The following TMEM263 variants were observed in gnomAD, a reference collection of about 807,000 sequenced individuals.
The protein encoded by TMEM263 is UPF0444 transmembrane protein C12orf23.
Under a neutral mutation model 8.6 loss-of-function variants are expected in TMEM263, and 5 were observed. That is an observed-to-expected ratio of 0.58 (90% CI 0.31 to 1.23). The LOEUF (loss-of-function observed/expected upper bound fraction) is 1.23. Ranked by LOEUF, TMEM263 falls within the 50% of genes most tolerant of loss-of-function variation. The pLI, the probability that TMEM263 is intolerant of heterozygous loss-of-function variation, is 0.07. For synonymous variants in TMEM263, 50 were observed against 47.9 expected, an observed-to-expected ratio of 1.04 and a Z score of -0.18; for missense variants, 104 against 138.8, an observed-to-expected ratio of 0.75 and a Z score of 1.26.
chr12:106,967,702 A>G (rs1267425261), intron 3 of TMEM263, among the ~76,000 whole-genome samples: 1 of 152,262 alleles, frequency 6.6e-6, no homozygotes, highest in African/African-American at 2.4e-5. Flanking sequence ...CATATAAGGC[A>G]TAATATTTTG....
chr12:106,957,878 C>T (rs910286412), intron 2 of TMEM263, among the ~76,000 whole-genome samples: 7 of 152,118 alleles, frequency 4.6e-5, no homozygotes, highest in African/African-American at 1.7e-4. Flanking sequence ...TGGGCAGGGG[C>T]CATCTTTAAA....
chr12:106,958,919 T>C (rs1951733853), intron 2 of TMEM263, among the ~76,000 whole-genome samples: 1 of 152,216 alleles, frequency 6.6e-6, no homozygotes, highest in Admixed American at 6.5e-5. Context: ...CCAGAAAGTA[T>C]GTTTTTAATA....
rs745721905 is a variant in TMEM263, at chr12:106,971,226, A to G, written c.186A>G (p.Gly62=). 1.9e-6 allele frequency: 3 copies of G among 1,614,026 alleles called. No individual in the cohort carries two copies. Among genetic ancestry groups the G allele is most frequent in the Admixed American group, 1.7e-5 (1 of 59,998 alleles). ...TTGGTGGTGTGGCTTGGATTGGTGG[A>G]AAGAGTCTGGAAGTGACCAAAACAG... The part of the protein sequence containing the change: ...ATIGGVAWIG[G]KSLEVTKTAV... Residue 62 remains glycine (G), a synonymous_variant, in exon 4 of 4, where the codon GGA becomes GGG. Coordinates refer to ENST00000280756, the MANE Select transcript of TMEM263 (RefSeq NM_152261.4).
At chr12:106,970,862 G>T (rs994915770) in intron 3 of TMEM263, among the ~76,000 whole-genome samples, 3 of 152,166 alleles carry the variant, frequency 2.0e-5, no homozygotes, top group Non-Finnish European at 4.4e-5. Flanking sequence ...TACAAAAGTT[G>T]TCTAGTCTCT....
Position 106,965,109 on chromosome 12 carries a change from A to G in TMEM263, c.-6-2002A>G, listed in dbSNP as rs568886946. Among the ~76,000 whole-genome samples, 4 of 152,096 alleles carry G rather than the reference A, an allele frequency of 2.6e-5. No homozygotes were observed. The South Asian group carries it at 8.3e-4, about 32-fold the overall frequency. ...ACCTCACTCTTTGTCTTCCTCTCCT[A>G]CTGCCCTTGATGCGACCCTGCCACA... is the stretch of plus-strand genomic sequence containing the variant. On this transcript the variant is annotated intron_variant, in intron 2 of 3. Transcript: ENST00000280756.
chr12:106,956,267 C>G (rs1009622671), intron 1 of TMEM263, among the ~76,000 whole-genome samples: 3 of 152,154 alleles, frequency 2.0e-5, no homozygotes, highest in Non-Finnish European at 4.4e-5. Flanking sequence ...TGGGGCTACT[C>G]CTCCTTATAC....
At position 106,966,638 on chromosome 12, in the gene TMEM263, A is replaced by G. The variant is rs149110234; in HGVS notation, c.-6-473A>G. 1.9e-3 allele frequency among the ~76,000 whole-genome samples: 294 copies of G among 152,270 alleles called. 3 individuals are homozygous for G. Among genetic ancestry groups the G allele is most frequent in the African/African-American group, 6.7e-3 (277 of 41,560 alleles). On this transcript the variant is annotated intron_variant, in intron 2 of 3. Coordinates refer to ENST00000280756, the MANE Select transcript of TMEM263 (RefSeq NM_152261.4). ...TTCTGCAGCTTTGCCAGCATCTGTTATATTTTGACTTTTTAATAATAACCA... is the reference window on the plus strand; with the variant it reads ...TTCTGCAGCTTTGCCAGCATCTGTTGTATTTTGACTTTTTAATAATAACCA...
chr12:106,966,770 AT>A (rs1368474791), intron 2 of TMEM263, among the ~76,000 whole-genome samples: 1 of 152,138 alleles, frequency 6.6e-6, no homozygotes, highest in Non-Finnish European at 1.5e-5. Context: ...AGGAAACAAC[AT>A]TTTTGTCGGC....
At chr12:106,966,906 T>C in intron 2 of TMEM263, 1 of 473,428 alleles carries the variant, frequency 2.1e-6, no homozygotes, top group Non-Finnish European at 3.7e-6. Flanking sequence ...ACATAAGATT[T>C]ATATTGTCTA....
At chr12:106,967,274 T>C in intron 3 of TMEM263, 94 bp downstream of exon 3, 1 of 875,480 alleles carries the variant, frequency 1.1e-6, no homozygotes, top group Non-Finnish European at 1.7e-6. Context: ...TTATTTTTTT[T>C]TGAGACAGAG....
chr12:106,965,587 C>A (rs10861682), intron 2 of TMEM263, among the ~76,000 whole-genome samples: 61,375 of 146,358 alleles, frequency 0.42, 13,068 homozygotes, highest in Admixed American at 0.52. Flanking sequence ...GCCTGGGCGA[C>A]AGAGTGAGAC....
chr12:106,962,313 A>T (rs2136763402), intron 2 of TMEM263, among the ~76,000 whole-genome samples: 1 of 152,062 alleles, frequency 6.6e-6, no homozygotes, highest in Middle Eastern at 3.4e-3. Context: ...ATGATGATAT[A>T]TGCCTTTTAC....
intron 2 of TMEM263, among the ~76,000 whole-genome samples, chr12:106,962,690 G>A (rs2136763946): frequency 6.6e-6 from 1 of 151,900 alleles, no homozygotes; most frequent in African/African-American, 2.4e-5. Flanking sequence ...AACAAGTGTG[G>A]ATGCCCTGAA....
intron 2 of TMEM263, among the ~76,000 whole-genome samples, chr12:106,965,497 C>T (rs1273900141): frequency 6.9e-6 from 1 of 144,770 alleles, no homozygotes; most frequent in Non-Finnish European, 1.5e-5. Context: ...GTCCCAGCTA[C>T]TCGGGAGGCT....
At chr12:106,962,284 A>AT in intron 2 of TMEM263, among the ~76,000 whole-genome samples, 1 of 150,824 alleles carries the variant, frequency 6.6e-6, no homozygotes, top group South Asian at 2.1e-4. Flanking sequence ...TTTTGTATGC[A>AT]TTTTTTAAAA....
At chr12:106,963,125 C>G (rs1951801087) in intron 2 of TMEM263, among the ~76,000 whole-genome samples, 1 of 152,132 alleles carries the variant, frequency 6.6e-6, no homozygotes, top group South Asian at 2.1e-4. Flanking sequence ...AAAGGATAAA[C>G]AAGGAACTCT....
intron 2 of TMEM263, among the ~76,000 whole-genome samples, chr12:106,965,846 G>C (rs943258762): frequency 2.0e-5 from 3 of 151,820 alleles, no homozygotes; most frequent in African/African-American, 7.3e-5. Flanking sequence ...AACTGCCTCT[G>C]TTCATAAGAG....
chr12:106,966,886 T>C (rs909422760), intron 2 of TMEM263: 3 of 429,706 alleles, frequency 7.0e-6, no homozygotes, highest in African/African-American at 4.2e-5. Context: ...CACTCTTTGG[T>C]GAGTGTTTCA....
intron 2 of TMEM263, among the ~76,000 whole-genome samples, chr12:106,963,784 T>C (rs1951809880): frequency 6.6e-6 from 1 of 152,194 alleles, no homozygotes; most frequent in Non-Finnish European, 1.5e-5. Flanking sequence ...TTTTCTTAAT[T>C]ACAAGATAGG....
Sources: allele counts gnomAD v4.1 joint callset (sites outside exome capture counted in the v4.1 genomes callset), GRCh38; gene constraint gnomAD v4.1.1; transcripts MANE v1.5; gene names NCBI Gene and HGNC (gene_info 2026-07-23, HGNC 2026-07-21).